ZNF292: variants seen among roughly 807,000 people sequenced by gnomAD.
The protein encoded by ZNF292 is zinc finger protein 292.
In ZNF292, 26 loss-of-function variants were observed where a neutral mutation model predicts 217.9. The observed-to-expected ratio is 0.12, with a 90% CI of 0.09 to 0.17. ZNF292 has a LOEUF of 0.17. Among genes scored for constraint, ZNF292 ranks in the 10% least tolerant of loss-of-function variants. The pLI, the probability that ZNF292 is intolerant of heterozygous loss-of-function variation, is 1.00. For missense variants in ZNF292, 2,904 were observed against 3,175.2 expected, an observed-to-expected ratio of 0.91 and a Z score of 2.05; for synonymous variants, 1,257 against 1,124.1, an observed-to-expected ratio of 1.12 and a Z score of -2.37.
At chr6:87,233,663 G>A in intron 5 of ZNF292, 136 bp downstream of exon 5, 4 of 1,423,620 alleles carry the variant, frequency 2.8e-6, no homozygotes, top group Non-Finnish European at 3.7e-6. Flanking sequence ...ATGTTCTTGA[G>A]TGGTGGCAAC....
At position 87,257,666 on chromosome 6, in the gene ZNF292, A is replaced by G. The variant is rs1775306134; in HGVS notation, c.4037A>G (p.Asp1346Gly). The G allele has an allele frequency of 6.2e-7, 1 of 1,610,884 alleles. No individual in the cohort carries two copies. Among genetic ancestry groups the G allele is most frequent in the East Asian group, 2.2e-5 (1 of 44,756 alleles). The change falls in exon 8 of 8, where the codon GAC becomes GGC. Residue 1346 changes from aspartate to glycine, a missense_variant. This residue lies in a region of ZNF292 where 687 missense variants were observed against 623.0 expected (regional missense o/e 1.10). Coordinates refer to ENST00000369577, the MANE Select transcript of ZNF292 (RefSeq NM_015021.3). ...QQSAPEKVKKDRGRGPNGKER... is the reference protein window; with the variant it reads ...QQSAPEKVKKGRGRGPNGKER... The stretch of plus-strand genomic sequence containing the variant: ...TCTGCACCTGAAAAAGTTAAAAAAG[A>G]CCGTGGGCGGGGCCCAAATGGGAAG...
Position 87,264,851 on chromosome 6 carries a change from A to G in ZNF292, c.*3050A>G, listed in dbSNP as rs549759829. 5.3e-5 allele frequency among the ~76,000 whole-genome samples: 8 copies of G among 152,212 alleles called. No individual in the cohort carries two copies. Among genetic ancestry groups the G allele is most frequent in the Non-Finnish European group, 1.2e-4 (8 of 68,034 alleles). On this transcript the variant is annotated 3_prime_UTR_variant, in exon 8 of 8. Transcript: ENST00000369577. ...GTTTTAGAAAGATAATTGTCATGGT[A>G]TAGTGGATAAATTGAGTAAGTTGGA...
intron 1 of ZNF292, among the ~76,000 whole-genome samples, chr6:87,188,992 G>C (rs920176798): frequency 6.6e-5 from 10 of 152,004 alleles, no homozygotes; most frequent in Non-Finnish European, 1.3e-4. Flanking sequence ...ATCACCTAAG[G>C]TCAGGAATTA....
intron 1 of ZNF292, among the ~76,000 whole-genome samples, chr6:87,175,277 T>C (rs1280579198): frequency 6.6e-6 from 1 of 152,196 alleles, no homozygotes; most frequent in East Asian, 1.9e-4. Context: ...TGGAAAGGTA[T>C]TGTTTTTATT....
intron 4 of ZNF292, among the ~76,000 whole-genome samples, chr6:87,225,599 CT>C (rs1773307124): frequency 6.6e-6 from 1 of 152,156 alleles, no homozygotes; most frequent in Non-Finnish European, 1.5e-5. Flanking sequence ...ACTAGTCTCA[CT>C]TCTTTTTCTG....
rs200888322 is a variant in ZNF292 at position 87,243,622 on chromosome 6, C to CT, written c.878+22dup. ...TATGTACTGCGCTTGGTGAGTTGATCTTTTTTTTTTTAAAGAAATATTTGT... is the reference window on the plus strand; with the variant it reads ...TATGTACTGCGCTTGGTGAGTTGATCTTTTTTTTTTTTAAAGAAATATTTGT... On this transcript the variant is annotated intron_variant, in intron 6 of 7. Transcript: ENST00000369577. 81,463 of 1,068,260 alleles carry CT rather than the reference C, an allele frequency of 0.076. 1,240 individuals are homozygous for CT. The highest frequency in any genetic ancestry group is 0.21 in the African/African-American group (12,625 of 61,182). 66.2% of individuals were successfully genotyped at this position (1,068,260 alleles called of 1,614,324 possible).
At chr6:87,164,610 CTTTT>C (rs1273550797) in intron 1 of ZNF292, among the ~76,000 whole-genome samples, 1 of 152,040 alleles carries the variant, frequency 6.6e-6, no homozygotes, top group African/African-American at 2.4e-5. Flanking sequence ...CTTCTGCTTT[CTTTT>C]TTGTCACTCA....
chr6:87,220,653 T>A (rs1446949651), intron 4 of ZNF292, among the ~76,000 whole-genome samples: 1 of 152,228 alleles, frequency 6.6e-6, no homozygotes, highest in East Asian at 1.9e-4. Context: ...GGAACCTTTA[T>A]CCTAGCAGAG....
chr6:87,255,363 T>G lies in ZNF292; in HGVS notation c.1734T>G (p.Phe578Leu). The change falls in exon 8 of 8, where the codon TTT (phenylalanine) becomes TTG (leucine). Residue 578 changes from phenylalanine to leucine, a missense_variant. Phe to Leu is a conservative substitution (Grantham distance 22). Transcript: ENST00000369577. ...GTTGCCCCATATGTGCAAAGAACTT[T>G]AATTCTAAAGAAACTTTTGTCCCTC... is the stretch of plus-strand genomic sequence containing the variant. ...IYSCPICAKN[F>L]NSKETFVPHV... 1 of 1,613,726 alleles carries G rather than the reference T, an allele frequency of 6.2e-7. No homozygotes were observed. Among genetic ancestry groups the G allele is most frequent in the South Asian group, 1.1e-5 (1 of 91,066 alleles).
In ZNF292 at chr6:87,228,120, C is replaced by T. The variant is rs561988120; in HGVS notation, c.539-5205C>T. On this transcript the variant is annotated intron_variant, in intron 4 of 7. Transcript: ENST00000369577. ...ACCAACACTTGTTTTCTGTTTTTTT[C>T]GTAGTAGTCATCCTACTGGGTGTGA... Among the ~76,000 whole-genome samples the T allele has an allele frequency of 5.9e-5, 9 of 152,158 alleles. No individual in the cohort carries two copies. The South Asian group carries it at 1.0e-3, about 18-fold the overall frequency.
At chr6:87,169,547 GTTGA>G (rs1771031170) in intron 1 of ZNF292, 1 of 289,510 alleles carries the variant, frequency 3.5e-6, no homozygotes, top group Admixed American at 4.6e-5. Flanking sequence ...ATTTACCAAA[GTTGA>G]TTGAAGTAGT....
chr6:87,161,434 T>C (rs1770751683), intron 1 of ZNF292, among the ~76,000 whole-genome samples: 1 of 152,242 alleles, frequency 6.6e-6, no homozygotes. Context: ...TTATTTTTAT[T>C]TTTTTGAGAC....
At chr6:87,176,351 G>A (rs1322351958) in intron 1 of ZNF292, among the ~76,000 whole-genome samples, 1 of 152,198 alleles carries the variant, frequency 6.6e-6, no homozygotes, top group Non-Finnish European at 1.5e-5. Context: ...TAAACTGGAG[G>A]GGAGCTTAAC....
At chr6:87,225,016 C>T (rs1582451155) in intron 4 of ZNF292, among the ~76,000 whole-genome samples, 1 of 152,116 alleles carries the variant, frequency 6.6e-6, no homozygotes, top group East Asian at 1.9e-4. Flanking sequence ...ATACCCTTAC[C>T]AACAATTGGT....
chr6:87,227,589 C>T (rs1456032077), intron 4 of ZNF292, among the ~76,000 whole-genome samples: 1 of 152,126 alleles, frequency 6.6e-6, no homozygotes, highest in East Asian at 1.9e-4. Flanking sequence ...TAAACAACAA[C>T]TCCCCTTTTC....
chr6:87,220,238 A>T (rs1012936913), intron 4 of ZNF292, among the ~76,000 whole-genome samples: 11 of 152,086 alleles, frequency 7.2e-5, no homozygotes, highest in African/African-American at 2.7e-4. Flanking sequence ...ACCAAATTAT[A>T]CTTTCTGATC....
chr6:87,204,521 G>A lies in ZNF292; in HGVS notation c.169-11382G>A, dbSNP rs987603456. On this transcript the variant is annotated intron_variant, in intron 1 of 7. Transcript: ENST00000369577. ...TTCAAAAATTTTTTTTTAATTTAAA[G>A]TTTATTGTAGGATTTGGTTGGTAAC... is the stretch of plus-strand genomic sequence containing the variant. 3.7e-5 allele frequency among the ~76,000 whole-genome samples: 4 copies of A among 107,370 alleles called. No individual in the cohort carries two copies. The South Asian group carries it at 1.0e-3, about 27-fold the overall frequency. The allele number at this position is 107,370 out of a possible 152,430, so 70.4% of individuals were successfully genotyped here.
At position 87,261,591 on chromosome 6, in the gene ZNF292, T is replaced by C. The variant is rs1775605963; in HGVS notation, c.7962T>C (p.Phe2654=). 4 of 1,611,206 alleles carry C rather than the reference T, an allele frequency of 2.5e-6. No individual in the cohort carries two copies. The East Asian group carries it at 8.9e-5, about 36-fold the overall frequency. Residue 2654 remains phenylalanine (F), a synonymous_variant, in exon 8 of 8, where the codon TTT becomes TTC. Transcript: ENST00000369577. ...AAGAAAGCGAAACGTTTGTACAGTT[T>C]GCCAATCCATCACAGCTTCAGTGCA... The part of the protein sequence containing the change: ...PCKESETFVQ[F]ANPSQLQCSD...
intron 1 of ZNF292, among the ~76,000 whole-genome samples, chr6:87,190,112 A>G (rs1270675759): frequency 6.6e-6 from 1 of 152,178 alleles, no homozygotes; most frequent in Non-Finnish European, 1.5e-5. Flanking sequence ...GTATGTGTGT[A>G]TGCATATGTG....
Sources: gnomAD v4.1 joint callset for allele counts (sites outside exome capture counted in the v4.1 genomes callset) on GRCh38, gnomAD v4.1.1 for gene constraint, gnomAD v4.1.1 regional missense constraint, MANE v1.5 for transcripts, NCBI Gene and HGNC (gene_info 2026-07-23, HGNC 2026-07-21) for gene names.